NUTM1: variants seen among roughly 807,000 people sequenced by gnomAD.
The protein encoded by NUTM1 is NUT midline carcinoma family member 1, also known as NUT family member 1.
A neutral mutation model predicts 88.7 loss-of-function variants in NUTM1; 39 were observed. The observed-to-expected ratio is 0.44, with a 90% CI of 0.34 to 0.57. The LOEUF (loss-of-function observed/expected upper bound fraction) is 0.57. NUTM1 is among the 20% of genes least tolerant of loss of function. The pLI, the probability that NUTM1 is intolerant of heterozygous loss-of-function variation, is 0.01. For synonymous variants in NUTM1, 494 were observed against 538.0 expected (o/e 0.92, Z 1.13); for missense variants, 1,350 against 1,414.5 (o/e 0.95, Z 0.73).
rs746360295 is a variant in NUTM1 at position 34,356,548 on chromosome 15, A to G, written c.2540A>G (p.Lys847Arg). The G allele has an allele frequency of 6.2e-7, 1 of 1,614,046 alleles. No individual in the cohort carries two copies. The highest frequency in any genetic ancestry group is 1.1e-5 in the South Asian group (1 of 91,074). Residue 847 changes from lysine to arginine, a missense_variant, in exon 8 of 8, where the codon AAA becomes AGA. By Grantham distance (26) the Lys-to-Arg change is conservative. Around this residue, in one of 5 missense-constraint regions of NUTM1, gnomAD observed 730 missense variants for 728.8 expected, o/e 1.00. Coordinates refer to ENST00000537011, the MANE Select transcript of NUTM1 (RefSeq NM_001284292.2). ...GCCAACAGCCCACCCTTGAGGTCCAAAGAAAATCAAGAACAGAGCTGTGAA... is the reference window on the plus strand; with the variant it reads ...GCCAACAGCCCACCCTTGAGGTCCAGAGAAAATCAAGAACAGAGCTGTGAA... ...LRANSPPLRS[K>R]ENQEQSCETV...
At position 34,356,917 on chromosome 15, in the gene NUTM1, A is replaced by C. The variant is rs1023918164; in HGVS notation, c.2909A>C (p.Lys970Thr). ...GGCAGGGTGGATCCTGATCTGTCCA[A>C]GCCTAAAAACCTTGCTCCTTTACAA... is the stretch of plus-strand genomic sequence containing the variant. ...GEGRVDPDLS[K>T]PKNLAPLQES... is the part of the protein sequence containing the mutation. Residue 970 changes from lysine to threonine, a missense_variant, in exon 8 of 8, where the codon AAG becomes ACG. This residue lies in a region of NUTM1 where 730 missense variants were observed against 728.8 expected (regional missense o/e 1.00). Transcript: ENST00000537011. 3 of 1,613,550 alleles carry C rather than the reference A, an allele frequency of 1.9e-6. No homozygotes were observed. In the East Asian group the frequency reaches 6.7e-5, roughly 36 times the overall value.
Position 34,343,500 on chromosome 15 carries a change from T to TCTTC in NUTM1, c.-197_-196insCTTC. 7.8e-7 allele frequency: 1 copy of TCTTC among 1,287,818 alleles called. No individual in the cohort carries two copies. Among genetic ancestry groups the TCTTC allele is most frequent in the Non-Finnish European group, 1.1e-6 (1 of 945,312 alleles). The allele number at this position is 1,287,818 out of a possible 1,614,324, so 79.8% of individuals were successfully genotyped here. On this transcript the variant is annotated 5_prime_UTR_variant, in exon 1 of 8. Transcript: ENST00000537011. ...TTTACCCTAGGGAAGAAAGAAGAGG[T>TCTTC]TTTCTTCCCTCCCCTCTTTTACATC...
intron 2 of NUTM1, among the ~76,000 whole-genome samples, chr15:34,346,777 C>A (rs1414469138): frequency 7.1e-6 from 1 of 140,084 alleles, no homozygotes; most frequent in Non-Finnish European, 1.5e-5. Context: ...CAGCTACTTG[C>A]GGGGCTGAGG....
At chr15:34,350,611 A>G in intron 3 of NUTM1, 93 bp from the exon 4 acceptor site, 1 of 1,475,890 alleles carries the variant, frequency 6.8e-7, no homozygotes, top group African/African-American at 1.4e-5. Context: ...AATAGATTTG[A>G]TGAGGGGCAG....
At chr15:34,352,521 G>A (rs1037647652) in intron 4 of NUTM1, among the ~76,000 whole-genome samples, 56 of 151,826 alleles carry the variant, frequency 3.7e-4, no homozygotes, top group Admixed American at 2.0e-3. Context: ...AAGTGAGGCC[G>A]GGCACATTGG....
chr15:34,348,254 C>T lies in NUTM1; in HGVS notation c.386C>T (p.Pro129Leu), dbSNP rs762115937. The T allele has an allele frequency of 5.3e-5, 86 of 1,614,098 alleles. No individual in the cohort carries two copies. The highest frequency in any genetic ancestry group is 4.9e-4 in the Middle Eastern group (3 of 6,084). The change falls in exon 3 of 8, where the codon CCC becomes CTC. Residue 129 changes from proline (P) to leucine (L), a missense_variant. Physicochemically the swap from Pro to Leu is moderately conservative, Grantham distance 98. Coordinates refer to ENST00000537011, the MANE Select transcript of NUTM1 (RefSeq NM_001284292.2). Reference protein sequence around the residue: ...KVKTEGGSAEPSQTQNFILTQ... With the variant: ...KVKTEGGSAELSQTQNFILTQ... The stretch of plus-strand genomic sequence containing the variant: ...AAGACAGAAGGGGGGTCAGCTGAGC[C>T]CTCTCAAACTCAGAACTTTATCCTT...
In NUTM1 at chr15:34,357,111, A is replaced by C; in HGVS notation, c.3103A>C (p.Lys1035Gln). Residue 1035 changes from lysine (K) to glutamine (Q), a missense_variant, in exon 8 of 8, where the codon AAA becomes CAA. This residue lies in a region of NUTM1 where 730 missense variants were observed against 728.8 expected (regional missense o/e 1.00). Coordinates refer to ENST00000537011, the MANE Select transcript of NUTM1 (RefSeq NM_001284292.2). ...CAGGGCCAAAGGAAAGGAGAAAAAGAAAAAGGAAGCAGAGGAAGAGGATGA... is the reference window on the plus strand; with the variant it reads ...CAGGGCCAAAGGAAAGGAGAAAAAGCAAAAGGAAGCAGAGGAAGAGGATGA... ...ADRAKGKEKK[K>Q]KEAEEEDEEL... 6.2e-7 allele frequency: 1 copy of C among 1,614,132 alleles called. No homozygotes were observed. Among genetic ancestry groups the C allele is most frequent in the Non-Finnish European group, 8.5e-7 (1 of 1,179,992 alleles).
In NUTM1 at chr15:34,356,931, GCTCCTTTAC is replaced by G. The variant is rs1566891513; in HGVS notation, c.2924_2932del (p.Ala975_Gln978delinsGlu). On this transcript the variant is annotated inframe_deletion, in exon 8 of 8. Transcript: ENST00000537011. The stretch of plus-strand genomic sequence containing the variant: ...TGATCTGTCCAAGCCTAAAAACCTT[GCTCCTTTAC>G]AAGAGAGTCAGGAGTCTTACACAAC... The G allele has an allele frequency of 1.2e-6, 2 of 1,613,746 alleles. No homozygotes were observed. The highest frequency in any genetic ancestry group is 8.5e-7 in the Non-Finnish European group (1 of 1,179,990).
In NUTM1 at chr15:34,348,476, T is replaced by G; in HGVS notation, c.608T>G (p.Leu203Arg). The change falls in exon 3 of 8, where the codon CTG (leucine) becomes CGG (arginine). Residue 203 changes from leucine (L) to arginine (R), a missense_variant. By Grantham distance (102) the Leu-to-Arg change is moderately radical. Coordinates refer to ENST00000537011, the MANE Select transcript of NUTM1 (RefSeq NM_001284292.2). ...PVAQLVPIVP[L>R]EKAWPGPHGT... The stretch of plus-strand genomic sequence containing the variant: ...GCTCAACTGGTCCCCATTGTGCCCC[T>G]GGAAAAAGCTTGGCCAGGGCCACAT... 6.2e-7 allele frequency: 1 copy of G among 1,614,134 alleles called. No individual in the cohort carries two copies. Among genetic ancestry groups the G allele is most frequent in the Non-Finnish European group, 8.5e-7 (1 of 1,179,964 alleles).
rs550290289 is a variant in NUTM1, at chr15:34,348,118, T to C, written c.250T>C (p.Ser84Pro). The C allele has an allele frequency of 8.1e-6, 13 of 1,614,090 alleles. No individual in the cohort carries two copies. In the African/African-American group the frequency reaches 1.5e-4, roughly 18 times the overall value. ...PPQPIMPSVF[S>P]PDNPLMLSAF... ...ACAGCCCATCATGCCTTCAGTATTCTCTCCAGACAACCCTCTGATGCTCTC... is the reference window on the plus strand; with the variant it reads ...ACAGCCCATCATGCCTTCAGTATTCCCTCCAGACAACCCTCTGATGCTCTC... Residue 84 changes from serine (S) to proline (P), a missense_variant, in exon 3 of 8, where the codon TCT (serine) becomes CCT (proline). By Grantham distance (74) the Ser-to-Pro change is moderately conservative (BLOSUM62 -1). Transcript: ENST00000537011.
Position 34,356,242 on chromosome 15 carries a change from G to A in NUTM1, c.2234G>A (p.Cys745Tyr), listed in dbSNP as rs764043882. The A allele has an allele frequency of 6.2e-7, 1 of 1,608,170 alleles. No individual in the cohort carries two copies. Among genetic ancestry groups the A allele is most frequent in the Admixed American group, 1.7e-5 (1 of 59,644 alleles). The change falls in exon 8 of 8, where the codon TGT (cysteine) becomes TAT (tyrosine). Residue 745 changes from cysteine (C) to tyrosine (Y), a missense_variant. Physicochemically the swap from Cys to Tyr is radical, Grantham distance 194. Coordinates refer to ENST00000537011, the MANE Select transcript of NUTM1 (RefSeq NM_001284292.2). ...GCAGCTGGGGAGAGGGACGATGTCTGTCTCAGCCCAGGAGTTTGGCTGAGC... is the reference window on the plus strand; with the variant it reads ...GCAGCTGGGGAGAGGGACGATGTCTATCTCAGCCCAGGAGTTTGGCTGAGC... Reference protein sequence around the residue: ...PRAAGERDDVCLSPGVWLSSE... With the variant: ...PRAAGERDDVYLSPGVWLSSE...
chr15:34,349,491 A>G (rs1018688615), intron 3 of NUTM1, among the ~76,000 whole-genome samples: 1 of 152,208 alleles, frequency 6.6e-6, no homozygotes, highest in African/African-American at 2.4e-5. Flanking sequence ...GTCCTTGCTT[A>G]AGAGCGAGTG....
At position 34,348,536 on chromosome 15, in the gene NUTM1, T is replaced by A; in HGVS notation, c.668T>A (p.Leu223Gln). 1.9e-6 allele frequency: 3 copies of A among 1,614,130 alleles called. No individual in the cohort carries two copies. The highest frequency in any genetic ancestry group is 2.5e-6 in the Non-Finnish European group (3 of 1,180,018). ...TTGEGGPVAT[L>Q]SKPSLGDRSK... is the part of the protein sequence containing the mutation. ...GGGGAAGGAGGTCCTGTGGCCACTC[T>A]ATCCAAGCCTTCCCTAGGTGACCGC... The change falls in exon 3 of 8, where the codon CTA becomes CAA. Residue 223 changes from leucine (L) to glutamine (Q), a missense_variant. This residue lies in a region of NUTM1 where 399 missense variants were observed against 397.9 expected (regional missense o/e 1.00). Transcript: ENST00000537011.
In NUTM1 at chr15:34,346,037, T is replaced by C; in HGVS notation, c.100+2T>C. 1 of 1,613,982 alleles carries C rather than the reference T, an allele frequency of 6.2e-7. No homozygotes were observed. Among genetic ancestry groups the C allele is most frequent in the East Asian group, 2.2e-5 (1 of 44,876 alleles). ...CTGAGAGGATGGCTTCAGATGGAGGTAAGTCTGCAGGTGGTGAGGAGGATT... is the reference window on the plus strand; with the variant it reads ...CTGAGAGGATGGCTTCAGATGGAGGCAAGTCTGCAGGTGGTGAGGAGGATT... On this transcript the variant is annotated splice_donor_variant, in intron 2 of 7. Coordinates refer to ENST00000537011, the MANE Select transcript of NUTM1 (RefSeq NM_001284292.2). LOFTEE classifies it high-confidence loss of function.
chr15:34,346,903 A>AAAT (rs1230300457), intron 2 of NUTM1, among the ~76,000 whole-genome samples: 1 of 149,640 alleles, frequency 6.7e-6, no homozygotes, highest in Non-Finnish European at 1.5e-5. Context: ...AAAAAAAAAA[A>AAAT]AAAAGCAGCA....
intron 2 of NUTM1, 31 bp from the exon 3 acceptor site, chr15:34,347,938 C>T: frequency 7.1e-7 from 1 of 1,398,760 alleles, no homozygotes; most frequent in Non-Finnish European, 9.9e-7. Context: ...TTTTCTCCTA[C>T]TCCATTTCTT....
intron 4 of NUTM1, among the ~76,000 whole-genome samples, chr15:34,352,799 C>CT (rs1255396740): frequency 1.3e-5 from 2 of 148,474 alleles, no homozygotes; most frequent in Non-Finnish European, 3.0e-5. Context: ...GAGTGAGACT[C>CT]TGTCTCAAAA....
At chr15:34,354,416 T>C in intron 5 of NUTM1, 30 bp from the exon 6 acceptor site, 1 of 1,609,430 alleles carries the variant, frequency 6.2e-7, no homozygotes, top group South Asian at 1.1e-5. Context: ...CTGTGCTACT[T>C]CCCATTCTCC....
intron 1 of NUTM1, among the ~76,000 whole-genome samples, chr15:34,345,464 T>G (rs922985508): frequency 6.6e-6 from 1 of 152,220 alleles, no homozygotes; most frequent in Non-Finnish European, 1.5e-5. Flanking sequence ...CTGACAATTC[T>G]AATTTTAAAC....
Sources: allele counts gnomAD v4.1 joint callset (sites outside exome capture counted in the v4.1 genomes callset), GRCh38; gene constraint gnomAD v4.1.1; regional missense constraint gnomAD v4.1.1; transcripts MANE v1.5; gene names NCBI Gene and HGNC (gene_info 2026-07-23, HGNC 2026-07-21).